The following PDE6B variants were observed in gnomAD, a reference collection of about 807,000 sequenced individuals.
PDE6B encodes the protein phosphodiesterase 6B.
A neutral mutation model predicts 109.0 loss-of-function variants in PDE6B; 106 were observed. That is an observed-to-expected ratio of 0.97 (90% CI 0.83 to 1.14). The LOEUF (loss-of-function observed/expected upper bound fraction) is 1.14. PDE6B is among the 50% of genes most tolerant of loss of function. The pLI is 0.00. For synonymous variants in PDE6B, 490 were observed against 471.3 expected, an observed-to-expected ratio of 1.04 and a Z score of -0.51; for missense variants, 1,193 against 1,155.6, an observed-to-expected ratio of 1.03 and a Z score of -0.47.
At chr4:668,070 C>G in intron 21 of PDE6B, 64 bp downstream of exon 21, 1 of 1,476,292 alleles carries the variant, frequency 6.8e-7, no homozygotes, top group Non-Finnish European at 9.4e-7. Flanking sequence ...AATGAAAAGA[C>G]AGGGCACAGA....
Position 656,940 on chromosome 4 carries a change from A to G in PDE6B, c.1174A>G (p.Lys392Glu). Residue 392 changes from lysine (K) to glutamate (E), a missense_variant, in exon 9 of 22, where the codon AAG becomes GAG. Transcript: ENST00000496514. ...GCTGTCCATGCCCATCGTCAACAAGAAGGAGGAGATTGTGGGAGTCGCCAC... is the reference window on the plus strand; with the variant it reads ...GCTGTCCATGCCCATCGTCAACAAGGAGGAGGAGATTGTGGGAGTCGCCAC... ...NVLSMPIVNK[K>E]EEIVGVATFY... 3.7e-6 allele frequency: 6 copies of G among 1,613,042 alleles called. No individual in the cohort carries two copies. Among genetic ancestry groups the G allele is most frequent in the South Asian group, 1.1e-5 (1 of 91,088 alleles).
rs1734126804 is a variant in PDE6B, at chr4:626,782, A to T, written c.468+688A>T. Among the ~76,000 whole-genome samples, 1 of 152,210 alleles carries T rather than the reference A, an allele frequency of 6.6e-6. No homozygotes were observed. Among genetic ancestry groups the T allele is most frequent in the South Asian group, 2.1e-4 (1 of 4,824 alleles). ...GTTCATGCAAAGCCTGGGCTAGGGCAGACGCTTCCCGAGGACAGAGGCGGT... is the reference window on the plus strand; with the variant it reads ...GTTCATGCAAAGCCTGGGCTAGGGCTGACGCTTCCCGAGGACAGAGGCGGT... On this transcript the variant is annotated intron_variant, in intron 1 of 21. Coordinates refer to ENST00000496514, the MANE Select transcript of PDE6B (RefSeq NM_000283.4). The surrounding 1 kb of genome is among the most constrained non-coding windows in gnomAD (Gnocchi z 4.6).
chr4:643,656 G>A (rs1270642775), intron 3 of PDE6B, among the ~76,000 whole-genome samples: 3 of 152,006 alleles, frequency 2.0e-5, no homozygotes, highest in African/African-American at 7.3e-5. Flanking sequence ...TGTCTTTCTA[G>A]TGATCAGTCT....
At chr4:634,016 C>T (rs376663134) in intron 1 of PDE6B, among the ~76,000 whole-genome samples, 2 of 151,920 alleles carry the variant, frequency 1.3e-5, no homozygotes, top group South Asian at 4.2e-4. Flanking sequence ...GGGTGGGTAC[C>T]CCCTGGGAGC....
At position 663,176 on chromosome 4, in the gene PDE6B, C is replaced by T. The variant is rs771559007; in HGVS notation, c.1909C>T (p.Leu637Phe). 2.5e-6 allele frequency: 4 copies of T among 1,598,452 alleles called. No homozygotes were observed. Among genetic ancestry groups the T allele is most frequent in the African/African-American group, 1.3e-5 (1 of 74,618 alleles). ...RHHLEFGKFLLSEETLNIYQN... is the reference protein window; with the variant it reads ...RHHLEFGKFLFSEETLNIYQN... ...CCACCTGGAGTTTGGGAAGTTCCTGCTCTCGGAGGAGGTTGGTATACTCAC... is the reference window on the plus strand; with the variant it reads ...CCACCTGGAGTTTGGGAAGTTCCTGTTCTCGGAGGAGGTTGGTATACTCAC... The change falls in exon 15 of 22, where the codon CTC becomes TTC. Residue 637 changes from leucine to phenylalanine, a missense_variant. Transcript: ENST00000496514. This position sits in a 1 kb window ranked among gnomAD's most constrained non-coding sequence, Gnocchi z 4.0.
chr4:668,163 G>A (rs1195576342), intron 21 of PDE6B, among the ~76,000 whole-genome samples, 157 bp downstream of exon 21: 2 of 151,956 alleles, frequency 1.3e-5, no homozygotes, highest in South Asian at 2.1e-4. Flanking sequence ...GAGAGGCCAC[G>A]GCGGGGGAGA....
In PDE6B at chr4:663,027, TG is replaced by T. The variant is rs1043016894; in HGVS notation, c.1833-66del. The T allele has an allele frequency of 1.4e-5, 12 of 863,338 alleles. No homozygotes were observed. Among genetic ancestry groups the T allele is most frequent in the Non-Finnish European group, 8.1e-6 (4 of 495,478 alleles). The allele number at this position is 863,338 out of a possible 1,614,324, so 53.5% of individuals were successfully genotyped here. A position where few individuals can be genotyped will look rare whatever the true frequency, so the allele number is the denominator to read the frequency against. Reference sequence around the variant, plus strand: ...CAAAAAAAAGAAAGTGGGGCCCATCTGGGGGGGCTGCAGAGCGCAGGGTGGG... The same window carrying T: ...CAAAAAAAAGAAAGTGGGGCCCATCTGGGGGGCTGCAGAGCGCAGGGTGGG... On this transcript the variant is annotated intron_variant, in intron 14 of 21. Transcript: ENST00000496514. The surrounding 1 kb of genome is among the most constrained non-coding windows in gnomAD (Gnocchi z 4.0).
rs1734092973 is a variant in PDE6B at position 626,159 on chromosome 4, A to G, written c.468+65A>G. On this transcript the variant is annotated intron_variant, in intron 1 of 21. Transcript: ENST00000496514. This position sits in a 1 kb window ranked among gnomAD's most constrained non-coding sequence, Gnocchi z 4.6. ...TCTCTTGCACCTGTCCCAGGTGTCT[A>G]AGGGTCAGCTCGGATCCTCAGGCCT... 9.8e-7 allele frequency: 1 copy of G among 1,015,346 alleles called. No homozygotes were observed. Among genetic ancestry groups the G allele is most frequent in the South Asian group, 1.4e-5 (1 of 72,894 alleles). The allele number at this position is 1,015,346 out of a possible 1,614,324, so 62.9% of individuals were successfully genotyped here.
At chr4:669,913 T>G (rs1051130211) in intron 21 of PDE6B, 133 bp from the exon 22 acceptor site, 1 of 775,312 alleles carries the variant, frequency 1.3e-6, no homozygotes, top group Non-Finnish European at 2.3e-6. Flanking sequence ...GCTAATCGGC[T>G]TGGGCTGGTC....
chr4:655,288 C>T (rs568896013), intron 6 of PDE6B: 141 of 305,556 alleles, frequency 4.6e-4, no homozygotes, highest in African/African-American at 2.6e-3. Flanking sequence ...GTCTTGGCCC[C>T]GTGGGGCTGG....
intron 1 of PDE6B, among the ~76,000 whole-genome samples, chr4:628,464 C>G (rs1016857734): frequency 5.3e-5 from 8 of 152,318 alleles, no homozygotes; most frequent in Non-Finnish European, 1.0e-4. Context: ...CGGAGTCTCG[C>G]CCTCCTGAGC....
At chr4:657,275 G>T in intron 9 of PDE6B, 76 bp from the exon 10 acceptor site, 1 of 1,556,386 alleles carries the variant, frequency 6.4e-7, no homozygotes, top group Non-Finnish European at 8.8e-7. Context: ...GCCGAGCCAC[G>T]GGGCCTGGCA....
At chr4:643,240 G>A (rs545725185) in intron 3 of PDE6B, among the ~76,000 whole-genome samples, 1 of 152,056 alleles carries the variant, frequency 6.6e-6, no homozygotes, top group African/African-American at 2.4e-5. Flanking sequence ...CCCGGGAAGT[G>A]GAGGTTGCAG....
Position 635,959 on chromosome 4 carries a change from G to A in PDE6B, c.701G>A (p.Arg234His), listed in dbSNP as rs369318359. 7.5e-5 allele frequency: 120 copies of A among 1,600,534 alleles called. No individual in the cohort carries two copies. Among genetic ancestry groups the A allele is most frequent in the African/African-American group, 1.5e-4 (11 of 74,650 alleles). Residue 234 changes from arginine (R) to histidine (H), a missense_variant, in exon 3 of 22, where the codon CGC becomes CAC. By Grantham distance (29) the Arg-to-His change is conservative. Coordinates refer to ENST00000496514, the MANE Select transcript of PDE6B (RefSeq NM_000283.4). ...AGCTACCTCCACAACTGCGAGACGC[G>A]CCGCGGCCAGGTACCCACACGCTGA... The part of the protein sequence containing the change: ...HLSYLHNCET[R>H]RGQVLLWSAN...
At position 633,642 on chromosome 4, in the gene PDE6B, C is replaced by T. The variant is rs759398746; in HGVS notation, c.469-1035C>T. 7.9e-5 allele frequency among the ~76,000 whole-genome samples: 12 copies of T among 152,192 alleles called. No homozygotes were observed. Among genetic ancestry groups the T allele is most frequent in the Non-Finnish European group, 1.6e-4 (11 of 68,018 alleles). ...CTGAGGGCAGAGCCTGTTATTTTTG[C>T]CCCATTGACTGGTGAGGAGAAGGCC... On this transcript the variant is annotated intron_variant, in intron 1 of 21. Coordinates refer to ENST00000496514, the MANE Select transcript of PDE6B (RefSeq NM_000283.4). The surrounding 1 kb of genome is among the most constrained non-coding windows in gnomAD (Gnocchi z 4.5).
intron 3 of PDE6B, chr4:653,582 T>A: frequency 1.8e-6 from 1 of 568,638 alleles, no homozygotes; most frequent in East Asian, 3.0e-5. Flanking sequence ...AAGCGACAGA[T>A]TCCACTTTCC....
chr4:665,801 T>TAGGCGCCA lies in PDE6B; in HGVS notation c.2268+473_2268+480dup, dbSNP rs908042704. 5.9e-5 allele frequency among the ~76,000 whole-genome samples: 9 copies of TAGGCGCCA among 152,088 alleles called. No individual in the cohort carries two copies. The highest frequency in any genetic ancestry group is 5.9e-4 in the Admixed American group (9 of 15,276). Reference sequence around the variant, plus strand: ...GTGCCAGCAAATGGGAGAGTCAGGATAGGCGCCAGGAACAGGAGAGGCAGG... The same window carrying TAGGCGCCA: ...GTGCCAGCAAATGGGAGAGTCAGGATAGGCGCCAAGGCGCCAGGAACAGGAGAGGCAGG... On this transcript the variant is annotated intron_variant, in intron 19 of 21. Transcript: ENST00000496514. The surrounding 1 kb of genome is among the most constrained non-coding windows in gnomAD (Gnocchi z 4.0).
At position 660,591 on chromosome 4, in the gene PDE6B, G is replaced by C. The variant is rs144664551; in HGVS notation, c.1592G>C (p.Arg531Pro). 42 of 1,613,638 alleles carry C rather than the reference G, an allele frequency of 2.6e-5. No individual in the cohort carries two copies. Among genetic ancestry groups the C allele is most frequent in the Non-Finnish European group, 3.5e-5 (41 of 1,179,968 alleles). Residue 531 changes from arginine to proline, a missense_variant, in exon 12 of 22, where the codon CGA (arginine) becomes CCA (proline). Physicochemically the swap from Arg to Pro is moderately radical, Grantham distance 103. Transcript: ENST00000496514. ...ATGTACTACGAGCTGGGCGTGGTCC[G>C]AAAGTTCCAGATCCCCCAGGAGGTG... is the stretch of plus-strand genomic sequence containing the variant. ...IQMYYELGVV[R>P]KFQIPQEVLV...
chr4:663,770 A>G lies in PDE6B; in HGVS notation c.1921A>G (p.Thr641Ala), dbSNP rs757655937. 1 of 1,610,832 alleles carries G rather than the reference A, an allele frequency of 6.2e-7. No homozygotes were observed. The highest frequency in any genetic ancestry group is 1.3e-5 in the African/African-American group (1 of 74,826). ...GACGCGCTGGGCATAACCTCCGCAG[A>G]CCCTGAACATCTACCAGAACCTGAA... ...EFGKFLLSEE[T>A]LNIYQNLNRR... The change falls in exon 16 of 22, where the codon ACC becomes GCC. Residue 641 changes from threonine to alanine, a missense_variant and splice_region_variant. By Grantham distance (58) the Thr-to-Ala change is moderately conservative. Coordinates refer to ENST00000496514, the MANE Select transcript of PDE6B (RefSeq NM_000283.4). This position sits in a 1 kb window ranked among gnomAD's most constrained non-coding sequence, Gnocchi z 4.0.
Sources: allele counts gnomAD v4.1 joint callset (sites outside exome capture counted in the v4.1 genomes callset), GRCh38; gene constraint gnomAD v4.1.1; non-coding constraint Gnocchi (gnomAD v3.1); transcripts MANE v1.5; gene names NCBI Gene and HGNC (gene_info 2026-07-23, HGNC 2026-07-21).